Variants in TFB2M observed in about 807,000 individuals in gnomAD.
TFB2M encodes dimethyladenosine transferase 2, mitochondrial.
In TFB2M, 44 loss-of-function variants were observed where a neutral mutation model predicts 41.3. The observed-to-expected ratio is 1.07, with a 90% CI of 0.84 to 1.37. TFB2M has a LOEUF of 1.37. Among genes scored for constraint, TFB2M ranks in the 40% most tolerant of loss-of-function variants. TFB2M has a pLI of 0.00. For synonymous variants in TFB2M, 188 were observed against 176.8 expected, an observed-to-expected ratio of 1.06 and a Z score of -0.50; for missense variants, 496 against 490.2, an observed-to-expected ratio of 1.01 and a Z score of -0.11.
At chr1:246,544,233 G>T (rs1282923617) in intron 7 of TFB2M, among the ~76,000 whole-genome samples, 4 of 152,170 alleles carry the variant, frequency 2.6e-5, no homozygotes, top group Non-Finnish European at 1.5e-5. Flanking sequence ...CTAGTGGTAG[G>T]CAGCTAGTGC....
Position 246,551,198 on chromosome 1 carries a change from A to C in TFB2M, c.795+15T>G. 1.2e-6 allele frequency: 2 copies of C among 1,606,268 alleles called. No individual in the cohort carries two copies. The highest frequency in any genetic ancestry group is 1.7e-6 in the Non-Finnish European group (2 of 1,173,614). ...GCTAAAGAAAAACGTTTTTAAACAG[A>C]AGGATTTTACTCACCATGTGCAGAA... On this transcript the variant is annotated intron_variant, in intron 5 of 7. Transcript: ENST00000366514.
intron 2 of TFB2M, among the ~76,000 whole-genome samples, chr1:246,560,801 G>C (rs1158704254): frequency 2.6e-5 from 4 of 152,148 alleles, no homozygotes; most frequent in Admixed American, 2.6e-4. Context: ...ATTAAGTTAG[G>C]TACTTAAGTT....
chr1:246,563,339 C>G (rs146227753), intron 2 of TFB2M, among the ~76,000 whole-genome samples: 3,521 of 152,100 alleles, frequency 0.023, 136 homozygotes, highest in African/African-American at 0.08. Flanking sequence ...CATGGTGGCT[C>G]ACGCCTGTAA....
intron 4 of TFB2M, among the ~76,000 whole-genome samples, chr1:246,554,594 G>A (rs1659271031): frequency 6.6e-6 from 1 of 152,100 alleles, no homozygotes. Flanking sequence ...CTAGTTTCAG[G>A]AAAACTAGCT....
At chr1:246,546,962 T>TACACACACACACACACAC (rs1191913962) in intron 6 of TFB2M, among the ~76,000 whole-genome samples, 69 of 74,024 alleles carry the variant, frequency 9.3e-4, no homozygotes, top group African/African-American at 2.2e-3. Flanking sequence ...TATATATGTA[T>TACACACACACACACACAC]ATATACACAC....
intron 6 of TFB2M, among the ~76,000 whole-genome samples, chr1:246,547,970 C>CA (rs1659069189): frequency 3.6e-5 from 5 of 138,238 alleles, no homozygotes; most frequent in African/African-American, 1.4e-4. Context: ...TTTTTTGAGA[C>CA]AGAGTCTCGC....
At chr1:246,554,660 T>G (rs1659273073) in intron 4 of TFB2M, among the ~76,000 whole-genome samples, 1 of 152,118 alleles carries the variant, frequency 6.6e-6, no homozygotes, top group Non-Finnish European at 1.5e-5. Flanking sequence ...TCATTATATA[T>G]TACAATGTAA....
At chr1:246,552,469 C>T (rs898339403) in intron 4 of TFB2M, among the ~76,000 whole-genome samples, 3 of 152,028 alleles carry the variant, frequency 2.0e-5, no homozygotes, top group Non-Finnish European at 4.4e-5. Flanking sequence ...CTTTGGGAGG[C>T]CGAGGCAGGA....
At chr1:246,542,977 G>A (rs1572082476) in intron 7 of TFB2M, among the ~76,000 whole-genome samples, 1 of 117,818 alleles carries the variant, frequency 8.5e-6, no homozygotes, top group Non-Finnish European at 1.7e-5. Context: ...GGCGCTCTCT[G>A]CCTCCCAATT....
At chr1:246,554,634 G>GA (rs1315243332) in intron 4 of TFB2M, among the ~76,000 whole-genome samples, 1 of 152,056 alleles carries the variant, frequency 6.6e-6, no homozygotes, top group East Asian at 1.9e-4. Flanking sequence ...ACATTATGGT[G>GA]AGTTGTATAA....
intron 5 of TFB2M, among the ~76,000 whole-genome samples, chr1:246,550,473 A>G (rs933669335): frequency 2.7e-5 from 4 of 146,544 alleles, no homozygotes; most frequent in African/African-American, 9.9e-5. Flanking sequence ...ATCAAATGAG[A>G]TAACATTCCT....
At chr1:246,565,278 G>C (rs1249508418) in intron 1 of TFB2M, among the ~76,000 whole-genome samples, 1 of 152,222 alleles carries the variant, frequency 6.6e-6, no homozygotes, top group Non-Finnish European at 1.5e-5. Context: ...AACTCTTTTG[G>C]GGAGATAAGA....
intron 2 of TFB2M, 80 bp downstream of exon 2, chr1:246,564,264 CTG>C: frequency 8.4e-7 from 1 of 1,189,116 alleles, no homozygotes; most frequent in Non-Finnish European, 1.2e-6. Flanking sequence ...ATGTAAAACA[CTG>C]TGTGCTTAAT....
intron 1 of TFB2M, among the ~76,000 whole-genome samples, 163 bp downstream of exon 1, chr1:246,565,663 G>A (rs1281335503): frequency 6.6e-6 from 1 of 152,192 alleles, no homozygotes; most frequent in African/African-American, 2.4e-5. Context: ...AGGGAGCCGA[G>A]ATCGCCCCAC....
chr1:246,543,497 G>A (rs1320215682), intron 7 of TFB2M, among the ~76,000 whole-genome samples: 1 of 152,178 alleles, frequency 6.6e-6, no homozygotes, highest in African/African-American at 2.4e-5. Context: ...CAGGCGCAGT[G>A]GCTCATGCTG....
chr1:246,558,320 G>A (rs1659376750), intron 2 of TFB2M, among the ~76,000 whole-genome samples: 1 of 151,808 alleles, frequency 6.6e-6, no homozygotes, highest in Admixed American at 6.6e-5. Flanking sequence ...CCAATTTTTG[G>A]ATTTTTTGTA....
chr1:246,556,081 G>A (rs768459701), intron 4 of TFB2M, among the ~76,000 whole-genome samples: 2 of 152,150 alleles, frequency 1.3e-5, no homozygotes, highest in African/African-American at 2.4e-5. Flanking sequence ...GTGAGCCACC[G>A]TGCCCGGCCA....
chr1:246,541,903 G>A (rs1658865889), intron 7 of TFB2M, among the ~76,000 whole-genome samples: 1 of 152,170 alleles, frequency 6.6e-6, no homozygotes, highest in Non-Finnish European at 1.5e-5. Context: ...TCCTTATACA[G>A]TCATGCATTG....
At chr1:246,562,007 C>T (rs1001027613) in intron 2 of TFB2M, among the ~76,000 whole-genome samples, 2 of 151,982 alleles carry the variant, frequency 1.3e-5, no homozygotes, top group African/African-American at 4.8e-5. Flanking sequence ...AATCTTCGGA[C>T]AATTATGTGT....
Sources: gnomAD v4.1 joint callset for allele counts (sites outside exome capture counted in the v4.1 genomes callset) on GRCh38, gnomAD v4.1.1 for gene constraint, MANE v1.5 for transcripts, NCBI Gene and HGNC (gene_info 2026-07-23, HGNC 2026-07-21) for gene names.